CPQ: variants seen among roughly 807,000 people sequenced by gnomAD.
CPQ encodes carboxypeptidase Q.
Under a neutral mutation model 45.7 loss-of-function variants are expected in CPQ, and 37 were observed. The ratio of observed to expected loss-of-function variants is 0.81; its 90% CI spans 0.62 to 1.07. The LOEUF (loss-of-function observed/expected upper bound fraction) is 1.07. Ranked by LOEUF, CPQ falls within the 50% of genes least tolerant of loss-of-function variation. CPQ has a pLI of 0.00. For missense variants in CPQ, 537 were observed against 572.9 expected, an observed-to-expected ratio of 0.94 and a Z score of 0.64; for synonymous variants, 186 against 205.8, an observed-to-expected ratio of 0.90 and a Z score of 0.82.
chr8:97,021,722 C>A (rs1043932729), intron 5 of CPQ, among the ~76,000 whole-genome samples: 2 of 152,124 alleles, frequency 1.3e-5, no homozygotes, highest in African/African-American at 2.4e-5. Context: ...ACAACGCAAA[C>A]AAATGGAAAC....
chr8:97,106,324 G>A (rs1252163465), intron 7 of CPQ, among the ~76,000 whole-genome samples: 1 of 152,184 alleles, frequency 6.6e-6, no homozygotes, highest in Admixed American at 6.5e-5. Flanking sequence ...GAGTTCCCGG[G>A]TTCTGACCCT....
At chr8:96,941,507 T>C (rs1416953598) in intron 4 of CPQ, among the ~76,000 whole-genome samples, 1 of 152,132 alleles carries the variant, frequency 6.6e-6, no homozygotes, top group Non-Finnish European at 1.5e-5. Flanking sequence ...TAGGCTCCTG[T>C]CCAAAGCATG....
chr8:96,793,172 C>G (rs942223054), intron 2 of CPQ, among the ~76,000 whole-genome samples: 1 of 152,152 alleles, frequency 6.6e-6, no homozygotes, highest in South Asian at 2.1e-4. Context: ...AAAATTAATA[C>G]TTGCTTATTA....
intron 4 of CPQ, among the ~76,000 whole-genome samples, chr8:96,900,611 A>G (rs750603395): frequency 6.6e-6 from 1 of 152,172 alleles, no homozygotes; most frequent in Non-Finnish European, 1.5e-5. Context: ...TGGAACTTTT[A>G]TATTTATTTT....
intron 1 of CPQ, among the ~76,000 whole-genome samples, chr8:96,654,934 CT>C (rs373691319): frequency 0.01 from 1,453 of 140,632 alleles, 6 homozygotes; most frequent in African/African-American, 0.02. Context: ...TCCTTTGTGG[CT>C]TTTTTTTTTT....
intron 4 of CPQ, among the ~76,000 whole-genome samples, chr8:96,925,034 G>A (rs998326865): frequency 6.6e-6 from 1 of 152,180 alleles, no homozygotes; most frequent in Non-Finnish European, 1.5e-5. Context: ...TATTGAATGA[G>A]TGAAAGAAAT....
At chr8:96,684,515 A>G (rs549222085) in intron 1 of CPQ, among the ~76,000 whole-genome samples, 62 of 152,140 alleles carry the variant, frequency 4.1e-4, no homozygotes, top group Non-Finnish European at 7.4e-4. Flanking sequence ...AGACCCCCAC[A>G]CAGTATGCTC....
chr8:96,772,980 T>G (rs1358105207), intron 1 of CPQ, among the ~76,000 whole-genome samples: 1 of 152,178 alleles, frequency 6.6e-6, no homozygotes, highest in Admixed American at 6.6e-5. Context: ...ACCCCATTTT[T>G]AAATATAAAG....
intron 2 of CPQ, among the ~76,000 whole-genome samples, chr8:96,812,475 C>T (rs1358036003): frequency 6.6e-6 from 1 of 152,104 alleles, no homozygotes; most frequent in East Asian, 1.9e-4. Context: ...TAATAAAGAA[C>T]TTTTCTTTTT....
chr8:96,645,597 T>A (rs1424580427), intron 1 of CPQ, among the ~76,000 whole-genome samples, 195 bp downstream of exon 1: 1 of 152,000 alleles, frequency 6.6e-6, no homozygotes, highest in African/African-American at 2.4e-5. Context: ...AGCCTGTGGC[T>A]GCCCCTTCGG....
chr8:97,059,745 G>T (rs1045705249), intron 6 of CPQ, among the ~76,000 whole-genome samples: 1 of 152,154 alleles, frequency 6.6e-6, no homozygotes, highest in Non-Finnish European at 1.5e-5. Flanking sequence ...CACACACATT[G>T]TAAGATGATT....
At chr8:96,772,643 G>A (rs1368096438) in intron 1 of CPQ, among the ~76,000 whole-genome samples, 2 of 151,524 alleles carry the variant, frequency 1.3e-5, no homozygotes, top group East Asian at 1.9e-4. Context: ...AAGAAGGAGA[G>A]CAGAGTGAGA....
At chr8:96,802,076 TTC>T (rs2130822899) in intron 2 of CPQ, among the ~76,000 whole-genome samples, 1 of 152,256 alleles carries the variant, frequency 6.6e-6, no homozygotes, top group African/African-American at 2.4e-5. Flanking sequence ...AATCACCTCT[TTC>T]TTTCTCTTTA....
At chr8:96,671,903 G>A (rs1809008872) in intron 1 of CPQ, among the ~76,000 whole-genome samples, 1 of 152,100 alleles carries the variant, frequency 6.6e-6, no homozygotes, top group African/African-American at 2.4e-5. Flanking sequence ...AAAAAGAAGT[G>A]TTTAGCTTGA....
rs199891025 is a variant in CPQ at position 96,656,514 on chromosome 8, GC to G, written c.-35+11113del. 2.9e-3 allele frequency among the ~76,000 whole-genome samples: 435 copies of G among 152,300 alleles called. 13 individuals carry two copies. In the East Asian group the frequency reaches 0.072, roughly 25 times the overall value. Reference sequence around the variant, plus strand: ...AGGATGGATGGGGTCTGGAGTATATGCTGCATAGAACTGCACAGTTGAGGAT... The same window carrying G: ...AGGATGGATGGGGTCTGGAGTATATGTGCATAGAACTGCACAGTTGAGGAT... On this transcript the variant is annotated intron_variant, in intron 1 of 7. Transcript: ENST00000220763.
At chr8:97,117,910 G>A (rs1386963202) in intron 7 of CPQ, among the ~76,000 whole-genome samples, 1 of 152,126 alleles carries the variant, frequency 6.6e-6, no homozygotes, top group Non-Finnish European at 1.5e-5. Context: ...TAAAGCCAAG[G>A]AGACCTCTTT....
chr8:97,127,305 G>GA (rs1265919445), intron 7 of CPQ, among the ~76,000 whole-genome samples: 1 of 152,108 alleles, frequency 6.6e-6, no homozygotes, highest in African/African-American at 2.4e-5. Context: ...AGACTAACAA[G>GA]AAAAAATGAG....
intron 1 of CPQ, among the ~76,000 whole-genome samples, chr8:96,720,296 G>A (rs60439579): frequency 0.37 from 56,297 of 151,980 alleles, 10,782 homozygotes; most frequent in East Asian, 0.61. Context: ...TGTGGATCAC[G>A]TGTTCCTTTT....
In CPQ at chr8:96,841,213, C is replaced by A. The variant is rs542618737; in HGVS notation, c.641+6033C>A. Among the ~76,000 whole-genome samples, 11 of 152,246 alleles carry A rather than the reference C, an allele frequency of 7.2e-5. No homozygotes were observed. The South Asian group carries it at 2.3e-3, about 32-fold the overall frequency. On this transcript the variant is annotated intron_variant, in intron 3 of 7. Coordinates refer to ENST00000220763, the MANE Select transcript of CPQ (RefSeq NM_016134.4). ...TCTAGACATTTTGAGTCCGAGGCAA[C>A]TGTAAGATAGTCCCATTAATCTGGT...
Sources: allele counts gnomAD v4.1 joint callset (sites outside exome capture counted in the v4.1 genomes callset), GRCh38; gene constraint gnomAD v4.1.1; transcripts MANE v1.5; gene names NCBI Gene and HGNC (gene_info 2026-07-23, HGNC 2026-07-21).